XRCC1: variants seen among roughly 807,000 people sequenced by gnomAD.
The protein encoded by XRCC1 is DNA repair protein XRCC1.
In XRCC1, 52 loss-of-function variants were observed where a neutral mutation model predicts 83.3. The ratio of observed to expected loss-of-function variants is 0.62; its 90% CI spans 0.50 to 0.79. The LOEUF is 0.79. XRCC1 is among the 30% of genes least tolerant of loss of function. XRCC1 has a pLI of 0.00. For missense variants in XRCC1, 793 were observed against 823.5 expected (o/e 0.96, Z 0.45); for synonymous variants, 281 against 312.6 (o/e 0.90, Z 1.07).
chr19:43,569,766 G>C (rs1972790197), intron 2 of XRCC1, among the ~76,000 whole-genome samples: 1 of 151,436 alleles, frequency 6.6e-6, no homozygotes, highest in South Asian at 2.1e-4. Context: ...AGAACAACAA[G>C]ACGAAACTCC....
chr19:43,553,040 G>A lies in XRCC1; in HGVS notation c.653C>T (p.Ala218Val), dbSNP rs1275869532. The A allele has an allele frequency of 1.9e-6, 3 of 1,598,204 alleles. No homozygotes were observed. The highest frequency in any genetic ancestry group is 1.8e-5 in the Admixed American group (1 of 56,846). ...GPSYAAATLQ[A>V]SSAASSASPV... Reference sequence around the variant, plus strand: ...AGAGGCTGAGGAGGCAGCACTAGAAGCCTGGAGGGTAGCAGCTGCATAGCT... The same window carrying A: ...AGAGGCTGAGGAGGCAGCACTAGAAACCTGGAGGGTAGCAGCTGCATAGCT... The change falls in exon 7 of 17, where the codon GCT becomes GTT. Residue 218 changes from alanine (A) to valine (V), a missense_variant. Physicochemically the swap from Ala to Val is moderately conservative, Grantham distance 64 (BLOSUM62 0). Transcript: ENST00000262887.
chr19:43,551,934 A>G, intron 9 of XRCC1, 83 bp downstream of exon 9: 1 of 1,446,188 alleles, frequency 6.9e-7, no homozygotes, highest in Non-Finnish European at 9.7e-7. Flanking sequence ...AGCATAGTGG[A>G]CACAGAGAAA....
In XRCC1 at chr19:43,544,196, A is replaced by G. The variant is rs772722747; in HGVS notation, c.1660T>C (p.Phe554Leu). Residue 554 changes from phenylalanine (F) to leucine (L), a missense_variant, in exon 15 of 17, where the codon TTC (phenylalanine) becomes CTC (leucine). Transcript: ENST00000262887. ...QGKHFFLYGE[F>L]PGDERRKLIR... ...AGTTTCCGCCGCTCGTCCCCAGGGAACTCCCCGTAAAGAAAGAAGTGCTTG... is the reference window on the plus strand; with the variant it reads ...AGTTTCCGCCGCTCGTCCCCAGGGAGCTCCCCGTAAAGAAAGAAGTGCTTG... The G allele has an allele frequency of 2.5e-6, 4 of 1,610,944 alleles. No homozygotes were observed. In the East Asian group the frequency reaches 8.9e-5, roughly 36 times the overall value.
intron 3 of XRCC1, among the ~76,000 whole-genome samples, chr19:43,559,311 G>C (rs923173147): frequency 6.6e-6 from 1 of 150,662 alleles, no homozygotes; most frequent in Non-Finnish European, 1.5e-5. Flanking sequence ...GTGAAACCCT[G>C]TCTCTACTAA....
intron 10 of XRCC1, among the ~76,000 whole-genome samples, chr19:43,548,779 A>AAAAAAAAAAAAC (rs1213062759): frequency 2.1e-5 from 3 of 141,736 alleles, no homozygotes; most frequent in Non-Finnish European, 3.1e-5. Context: ...AAAAAAAAAA[A>AAAAAAAAAAAAC]AAAAAAACAC....
rs2146049276 is a variant in XRCC1 at position 43,551,688 on chromosome 19, C to G, written c.1083-1G>C. The G allele has an allele frequency of 6.2e-7, 1 of 1,613,456 alleles. No homozygotes were observed. Among genetic ancestry groups the G allele is most frequent in the Non-Finnish European group, 8.5e-7 (1 of 1,179,544 alleles). ...CTTGGGGGTGTTGGCAAAGGCACAG[C>G]TGGTGGGGGGCAGAAGTGAAGATGC... On this transcript the variant is annotated splice_acceptor_variant, in intron 9 of 16. Transcript: ENST00000262887. LOFTEE classifies it high-confidence loss of function.
Position 43,546,550 on chromosome 19 carries a change from G to A in XRCC1, c.1426+45C>T, listed in dbSNP as rs753904818. 15 of 1,572,246 alleles carry A rather than the reference G, an allele frequency of 9.5e-6. No homozygotes were observed. The African/African-American group carries it at 1.3e-4, about 13-fold the overall frequency. On this transcript the variant is annotated intron_variant, in intron 12 of 16. Transcript: ENST00000262887. ...CCAGGCCGCAGGCCCTCCTCCCTCA[G>A]ACTCAGGAGCCCAGGCCCCAGCCCC...
At chr19:43,566,797 T>C (rs1972757653) in intron 2 of XRCC1, among the ~76,000 whole-genome samples, 1 of 144,930 alleles carries the variant, frequency 6.9e-6, no homozygotes, top group South Asian at 2.1e-4. Context: ...GAGAATCACT[T>C]GAACCTGGGA....
rs1237962168 is a variant in XRCC1 at position 43,553,423 on chromosome 19, G to C, written c.579C>G (p.Ser193Arg). Reference protein sequence around the residue: ...NSLRPGALFFSRINKTSPVTA... With the variant: ...NSLRPGALFFRRINKTSPVTA... ...CACCTGGGGATGTCTTGTTGATCCG[G>C]CTGAAGAAGAGAGCCCCCGGCCTCA... Residue 193 changes from serine to arginine, a missense_variant, in exon 6 of 17, where the codon AGC becomes AGG. Ser to Arg is a moderately radical substitution (Grantham distance 110). Transcript: ENST00000262887. The C allele has an allele frequency of 1.9e-6, 3 of 1,614,170 alleles. No individual in the cohort carries two copies. The highest frequency in any genetic ancestry group is 2.5e-6 in the Non-Finnish European group (3 of 1,180,036).
At chr19:43,543,545 G>C (rs3213400) in intron 16 of XRCC1, 40 bp from the exon 17 acceptor site, 1 of 1,612,968 alleles carries the variant, frequency 6.2e-7, no homozygotes, top group African/African-American at 1.3e-5. Flanking sequence ...ATGTGTCATC[G>C]AGGGGAGGAC....
intron 2 of XRCC1, among the ~76,000 whole-genome samples, chr19:43,566,251 G>A (rs903887358): frequency 2.0e-5 from 3 of 147,098 alleles, no homozygotes; most frequent in African/African-American, 7.6e-5. Flanking sequence ...AAAAAAAAGT[G>A]GCCAGGCACG....
intron 12 of XRCC1, among the ~76,000 whole-genome samples, 168 bp from the exon 13 acceptor site, chr19:43,546,274 G>A (rs1271927933): frequency 1.3e-5 from 2 of 148,824 alleles, no homozygotes; most frequent in African/African-American, 2.5e-5. Flanking sequence ...AGGAGTCCAG[G>A]CCCCAGCCCC....
intron 5 of XRCC1, 22 bp downstream of exon 5, chr19:43,553,587 G>C (rs898824977): frequency 1.2e-6 from 2 of 1,611,626 alleles, no homozygotes; most frequent in South Asian, 1.1e-5. Flanking sequence ...GAAGGCCATG[G>C]GGAGTGACAG....
intron 2 of XRCC1, among the ~76,000 whole-genome samples, chr19:43,572,795 C>T (rs1972816781): frequency 6.6e-6 from 1 of 152,080 alleles, no homozygotes; most frequent in Non-Finnish European, 1.5e-5. Context: ...ACACTGACAT[C>T]AATTGGGGTG....
chr19:43,552,298 T>A, intron 8 of XRCC1, 23 bp from the exon 9 acceptor site: 2 of 1,545,938 alleles, frequency 1.3e-6, no homozygotes, highest in Middle Eastern at 3.3e-4. Context: ...AAGAGTAGAT[T>A]AGGTTAGCAC....
In XRCC1 at chr19:43,572,927, C is replaced by CTTTTTTTT. The variant is rs1015971628; in HGVS notation, c.144+1975_144+1982dup. 5.8e-4 allele frequency among the ~76,000 whole-genome samples: 53 copies of CTTTTTTTT among 91,130 alleles called. 4 individuals carry two copies. Among genetic ancestry groups the CTTTTTTTT allele is most frequent in the Non-Finnish European group, 6.4e-4 (30 of 46,974 alleles). 59.8% of individuals were successfully genotyped at this position (91,130 alleles called of 152,430 possible). A position where few individuals can be genotyped will look rare whatever the true frequency, so the allele number is the denominator to read the frequency against. On this transcript the variant is annotated intron_variant, in intron 2 of 16. Coordinates refer to ENST00000262887, the MANE Select transcript of XRCC1 (RefSeq NM_006297.3). Reference sequence around the variant, plus strand: ...AATCATCCTAAAACTGAGATCTTTTCTTTTTTTTTTTTTTTTTTTTTTTGA... The same window carrying CTTTTTTTT: ...AATCATCCTAAAACTGAGATCTTTTCTTTTTTTTTTTTTTTTTTTTTTTTTTTTTTTGA...
In XRCC1 at chr19:43,546,992, G is replaced by C. The variant is rs764894660; in HGVS notation, c.1200-15C>G. On this transcript the variant is annotated splice_polypyrimidine_tract_variant and intron_variant, in intron 10 of 16. Transcript: ENST00000262887. Reference sequence around the variant, plus strand: ...CCATGAGGTACCTAGGGGACAAATCGGGCCTCAGACAAACAGGCCCAAGGG... The same window carrying C: ...CCATGAGGTACCTAGGGGACAAATCCGGCCTCAGACAAACAGGCCCAAGGG... 3.1e-6 allele frequency: 5 copies of C among 1,612,470 alleles called. No individual in the cohort carries two copies. Among genetic ancestry groups the C allele is most frequent in the African/African-American group, 2.7e-5 (2 of 74,878 alleles).
intron 2 of XRCC1, among the ~76,000 whole-genome samples, chr19:43,566,787 G>A (rs893882286): frequency 4.8e-5 from 7 of 146,390 alleles, no homozygotes; most frequent in African/African-American, 1.5e-4. Context: ...ACTGAGGCAC[G>A]AGAATCACTT....
intron 2 of XRCC1, among the ~76,000 whole-genome samples, chr19:43,570,071 G>T (rs1188246171): frequency 6.6e-6 from 1 of 152,182 alleles, no homozygotes; most frequent in East Asian, 1.9e-4. Context: ...AAGAGTCACT[G>T]AGCTGTACTC....
Sources: gnomAD v4.1 joint callset for allele counts (sites outside exome capture counted in the v4.1 genomes callset) on GRCh38, gnomAD v4.1.1 for gene constraint, MANE v1.5 for transcripts, NCBI Gene and HGNC (gene_info 2026-07-23, HGNC 2026-07-21) for gene names.